GNAI1: variants seen among roughly 807,000 people sequenced by gnomAD.
The protein encoded by GNAI1 is guanine nucleotide-binding protein G(i) subunit alpha-1.
In GNAI1, 11 loss-of-function variants were observed where a neutral mutation model predicts 38.9. The ratio of observed to expected loss-of-function variants is 0.28; its 90% CI spans 0.18 to 0.47. The LOEUF (loss-of-function observed/expected upper bound fraction) is 0.47, where lower values mean the gene tolerates loss of function less well. Ranked by LOEUF, GNAI1 falls within the 20% of genes least tolerant of loss-of-function variation. GNAI1 has a pLI of 0.99. For missense variants in GNAI1, 317 were observed against 436.9 expected (o/e 0.73, Z 2.45); for synonymous variants, 166 against 145.1 (o/e 1.14, Z -1.04).
rs1193466123 is a variant in GNAI1 at position 80,221,073 on chromosome 7, T to C, written c.*3580T>C. Among the ~76,000 whole-genome samples the C allele has an allele frequency of 3.9e-5, 6 of 152,204 alleles. No individual in the cohort carries two copies. On this transcript the variant is annotated 3_prime_UTR_variant, in exon 8 of 8. Coordinates refer to ENST00000649796, the MANE Select transcript of GNAI1 (RefSeq NM_002069.6). ...ATTTAGTTGATACTGTAATCATTAT[T>C]ACAGATGGTAGCATCATCATTGCTT...
rs756251108 is a variant in GNAI1, at chr7:80,223,731, G to A, written c.*6238G>A. ...TACAAATATAAGTAATTACCTTTCCGTTTTAAGTGACCAATTGTCCTAGCA... is the reference window on the plus strand; with the variant it reads ...TACAAATATAAGTAATTACCTTTCCATTTTAAGTGACCAATTGTCCTAGCA... On this transcript the variant is annotated 3_prime_UTR_variant, in exon 8 of 8. Transcript: ENST00000649796. Among the ~76,000 whole-genome samples, 11 of 152,044 alleles carry A rather than the reference G, an allele frequency of 7.2e-5. No individual in the cohort carries two copies. Among genetic ancestry groups the A allele is most frequent in the Middle Eastern group, 3.2e-3 (1 of 316 alleles).
At chr7:80,207,602 C>A (rs958809015) in intron 5 of GNAI1, among the ~76,000 whole-genome samples, 8 of 152,054 alleles carry the variant, frequency 5.3e-5, no homozygotes, top group Non-Finnish European at 1.0e-4. Context: ...ATAGTTTCAA[C>A]TTTGCTTTTT....
intron 1 of GNAI1, among the ~76,000 whole-genome samples, chr7:80,182,770 C>T (rs374062972): frequency 6.6e-6 from 1 of 152,170 alleles, no homozygotes; most frequent in Non-Finnish European, 1.5e-5. Flanking sequence ...TTATACATTA[C>T]AGCCTATTCA....
chr7:80,177,833 A>T (rs1788216751), intron 1 of GNAI1, among the ~76,000 whole-genome samples: 1 of 152,214 alleles, frequency 6.6e-6, no homozygotes, highest in Non-Finnish European at 1.5e-5. Context: ...ATCAGGAAGT[A>T]ATTTCAACTT....
intron 1 of GNAI1, among the ~76,000 whole-genome samples, chr7:80,154,225 C>G (rs1301705557): frequency 1.3e-5 from 2 of 152,146 alleles, no homozygotes; most frequent in Admixed American, 1.3e-4. Context: ...TGCATGGCCA[C>G]TGAACTTTTT....
chr7:80,140,827 T>G (rs1429867910), intron 1 of GNAI1, among the ~76,000 whole-genome samples: 2 of 152,216 alleles, frequency 1.3e-5, no homozygotes, highest in African/African-American at 4.8e-5. Flanking sequence ...AAAAAGGGTT[T>G]CCACTGGGCT....
At chr7:80,192,231 T>C (rs917162324) in intron 3 of GNAI1, among the ~76,000 whole-genome samples, 1 of 152,200 alleles carries the variant, frequency 6.6e-6, no homozygotes, top group African/African-American at 2.4e-5. Flanking sequence ...TTCTTCACCT[T>C]ATAATTTTTT....
At chr7:80,188,534 T>C (rs1254178164) in intron 1 of GNAI1, among the ~76,000 whole-genome samples, 1 of 152,180 alleles carries the variant, frequency 6.6e-6, no homozygotes, top group Non-Finnish European at 1.5e-5. Flanking sequence ...GCTCATTTTA[T>C]TTATTTGTTT....
rs561039397 is a variant in GNAI1, at chr7:80,225,338, T to G, written c.*7845T>G. Among the ~76,000 whole-genome samples, 1 of 152,326 alleles carries G rather than the reference T, an allele frequency of 6.6e-6. No homozygotes were observed. The highest frequency in any genetic ancestry group is 2.4e-5 in the African/African-American group (1 of 41,578). ...TCTCTTTATTTTTAGTTCCAATACA[T>G]GGAGGGGGAGTTGACCCTTCAAGAT... On this transcript the variant is annotated 3_prime_UTR_variant, in exon 8 of 8. Coordinates refer to ENST00000649796, the MANE Select transcript of GNAI1 (RefSeq NM_002069.6).
chr7:80,212,898 C>G (rs919758471), intron 7 of GNAI1, 29 bp downstream of exon 7: 9 of 1,450,196 alleles, frequency 6.2e-6, no homozygotes, highest in Non-Finnish European at 8.4e-6. Context: ...AATAACTTGT[C>G]AAGTTACATA....
rs180779274 is a variant in GNAI1 at position 80,213,402 on chromosome 7, T to C, written c.874+533T>C. On this transcript the variant is annotated intron_variant, in intron 7 of 7. Transcript: ENST00000649796. ...TGTTAATAGTGCTTTAATTTTACTA[T>C]GATGGAAAATTCCCTGGAGTGAGGA... is the stretch of plus-strand genomic sequence containing the variant. Among the ~76,000 whole-genome samples the C allele has an allele frequency of 2.4e-3, 365 of 152,332 alleles. 3 individuals carry two copies. Among genetic ancestry groups the C allele is most frequent in the African/African-American group, 8.6e-3 (356 of 41,576 alleles).
intron 5 of GNAI1, among the ~76,000 whole-genome samples, chr7:80,210,704 T>G (rs543979773): frequency 6.7e-6 from 1 of 150,240 alleles, no homozygotes; most frequent in Non-Finnish European, 1.5e-5. Flanking sequence ...AATGTCTCGT[T>G]TTTTTGAGGT....
rs907391440 is a variant in GNAI1 at position 80,221,891 on chromosome 7, C to T, written c.*4398C>T. ...ACCTGACCTTGTGATCTGACCGCCTCGGCCTCCCAAAGTGCTGGGATTACA... is the reference window on the plus strand; with the variant it reads ...ACCTGACCTTGTGATCTGACCGCCTTGGCCTCCCAAAGTGCTGGGATTACA... On this transcript the variant is annotated 3_prime_UTR_variant, in exon 8 of 8. Transcript: ENST00000649796. Among the ~76,000 whole-genome samples, 22 of 152,036 alleles carry T rather than the reference C, an allele frequency of 1.4e-4. No individual in the cohort carries two copies. The highest frequency in any genetic ancestry group is 7.9e-4 in the Admixed American group (12 of 15,262).
At chr7:80,176,404 A>G (rs1788182558) in intron 1 of GNAI1, among the ~76,000 whole-genome samples, 1 of 152,244 alleles carries the variant, frequency 6.6e-6, no homozygotes, top group Non-Finnish European at 1.5e-5. Context: ...CGGAAGATCT[A>G]GCTAAGATCG....
rs1788997160 is a variant in GNAI1, at chr7:80,217,651, T to TAACA, written c.*159_*162dup. On this transcript the variant is annotated 3_prime_UTR_variant, in exon 8 of 8. Coordinates refer to ENST00000649796, the MANE Select transcript of GNAI1 (RefSeq NM_002069.6). ...TCTGTTTTGTTTTTTTAACTGAAAG[T>TAACA]AACAGAAGGACCTTTCTTAAATGTG... 4 of 466,634 alleles carry TAACA rather than the reference T, an allele frequency of 8.6e-6. No homozygotes were observed. Among genetic ancestry groups the TAACA allele is most frequent in the African/African-American group, 2.0e-5 (1 of 50,172 alleles). The allele number at this position is 466,634 out of a possible 1,614,324, so 28.9% of individuals were successfully genotyped here. A position where few individuals can be genotyped will look rare whatever the true frequency, so the allele number is the denominator to read the frequency against.
At chr7:80,202,849 G>T (rs1433972558) in intron 4 of GNAI1, among the ~76,000 whole-genome samples, 3 of 152,146 alleles carry the variant, frequency 2.0e-5, no homozygotes, top group Admixed American at 1.3e-4. Context: ...GAAAGACCAT[G>T]CAACTGTTCC....
intron 5 of GNAI1, among the ~76,000 whole-genome samples, chr7:80,207,553 G>T (rs1788797147): frequency 6.6e-6 from 1 of 151,982 alleles, no homozygotes; most frequent in Admixed American, 6.6e-5. Flanking sequence ...GTCTTATTTT[G>T]GATTTTGAGT....
intron 1 of GNAI1, among the ~76,000 whole-genome samples, chr7:80,159,924 ATATATGTTAAGTGTATTGGGC>A (rs1787891186): frequency 9.2e-6 from 1 of 108,792 alleles, no homozygotes; most frequent in African/African-American, 4.7e-5. Context: ...GTGTATTGGG[ATATATGTTAAGTGTATTGGGC>A]ACTTGCTAGT....
rs761136755 is a variant in GNAI1 at position 80,135,122 on chromosome 7, G to C, written c.-39G>C. On this transcript the variant is annotated 5_prime_UTR_variant, in exon 1 of 8. Coordinates refer to ENST00000649796, the MANE Select transcript of GNAI1 (RefSeq NM_002069.6). ...CCCTGTGCTTGGAGCCCGCACTCGG[G>C]CGCGGAGGGAGCGGCGGCAGGCTCT... 1 of 1,389,826 alleles carries C rather than the reference G, an allele frequency of 7.2e-7. No homozygotes were observed. Among genetic ancestry groups the C allele is most frequent in the South Asian group, 1.5e-5 (1 of 66,284 alleles). The allele number at this position is 1,389,826 out of a possible 1,614,324, so 86.1% of individuals were successfully genotyped here.
Sources: gnomAD v4.1 joint callset for allele counts (sites outside exome capture counted in the v4.1 genomes callset) on GRCh38, gnomAD v4.1.1 for gene constraint, MANE v1.5 for transcripts, NCBI Gene and HGNC (gene_info 2026-07-23, HGNC 2026-07-21) for gene names.